The following FBN1 variants were observed in gnomAD, a reference collection of about 807,000 sequenced individuals.
FBN1 encodes the protein fibrillin-1.
Under a neutral mutation model 365.1 loss-of-function variants are expected in FBN1, and 29 were observed. The ratio of observed to expected loss-of-function variants is 0.08; its 90% confidence interval spans 0.06 to 0.11. The LOEUF (loss-of-function observed/expected upper bound fraction) is 0.11. FBN1 is among the 10% of genes least tolerant of loss of function. The probability of loss-of-function intolerance (pLI) is 1.00; values close to 1 mark genes in which losing one functional copy is unlikely to be tolerated. For missense variants in FBN1, 2,476 were observed against 3,703.2 expected, an observed-to-expected ratio of 0.67 and a Z score of 8.60; for synonymous variants, 1,210 against 1,270.5, an observed-to-expected ratio of 0.95 and a Z score of 1.01.
In FBN1 at chr15:48,421,821, T is replaced by C. The variant is rs2042944755; in HGVS notation, c.7570+131A>G. ...AACGCTTCACATACATGTACAGGTGTGCTCACACATACATGCACTCATATA... is the reference window on the plus strand; with the variant it reads ...AACGCTTCACATACATGTACAGGTGCGCTCACACATACATGCACTCATATA... On this transcript the variant is annotated intron_variant, in intron 61 of 65. Transcript: ENST00000316623. The C allele has an allele frequency of 2.6e-6, 3 of 1,166,240 alleles. No homozygotes were observed. The Admixed American group carries it at 5.6e-5, about 22-fold the overall frequency. The allele number at this position is 1,166,240 out of a possible 1,614,324, so 72.2% of individuals were successfully genotyped here. A position where few individuals can be genotyped will look rare whatever the true frequency, so the allele number is the denominator to read the frequency against.
At chr15:48,470,970 C>G (rs1045704000) in intron 35 of FBN1, among the ~76,000 whole-genome samples, 2 of 152,066 alleles carry the variant, frequency 1.3e-5, no homozygotes, top group Non-Finnish European at 2.9e-5. Context: ...TATTACATGC[C>G]AAGCAGCGGG....
chr15:48,487,670 C>T (rs1291324963), intron 27 of FBN1, among the ~76,000 whole-genome samples: 1 of 152,210 alleles, frequency 6.6e-6, no homozygotes, highest in African/African-American at 2.4e-5. Flanking sequence ...CTCCTTACTT[C>T]CTGACAAGTA....
chr15:48,426,106 A>T (rs576253676), intron 58 of FBN1, among the ~76,000 whole-genome samples: 62 of 152,338 alleles, frequency 4.1e-4, no homozygotes, highest in Middle Eastern at 3.4e-3. Context: ...CTTTAAAAAC[A>T]ACTGGTCTTC....
At chr15:48,519,074 C>T (rs1256663753) in intron 10 of FBN1, among the ~76,000 whole-genome samples, 3 of 152,256 alleles carry the variant, frequency 2.0e-5, no homozygotes, top group Non-Finnish European at 4.4e-5. Flanking sequence ...AAGGAATCCA[C>T]ATCAAAGCTG....
At chr15:48,574,654 T>A (rs970020026) in intron 6 of FBN1, among the ~76,000 whole-genome samples, 1 of 151,790 alleles carries the variant, frequency 6.6e-6, no homozygotes, top group Non-Finnish European at 1.5e-5. Flanking sequence ...AATCTTCTTA[T>A]CACTATAAAA....
intron 17 of FBN1, among the ~76,000 whole-genome samples, chr15:48,500,866 C>A (rs896324852): frequency 6.6e-6 from 1 of 152,182 alleles, no homozygotes; most frequent in Admixed American, 6.5e-5. Flanking sequence ...GACTTGCAGA[C>A]CACAAAGATG....
intron 6 of FBN1, among the ~76,000 whole-genome samples, chr15:48,584,592 T>G (rs1438943397): frequency 6.6e-6 from 1 of 152,232 alleles, no homozygotes; most frequent in African/African-American, 2.4e-5. Context: ...CGTCAAGGGA[T>G]GGGATGCCTT....
At chr15:48,447,145 T>C (rs147019176) in intron 46 of FBN1, among the ~76,000 whole-genome samples, 214 of 152,300 alleles carry the variant, frequency 1.4e-3, no homozygotes, top group African/African-American at 4.7e-3. Context: ...TATTTTCACT[T>C]GAAAATGGAA....
At chr15:48,551,507 CT>C (rs773123577) in intron 6 of FBN1, among the ~76,000 whole-genome samples, 1,024 of 138,548 alleles carry the variant, frequency 7.4e-3, no homozygotes, top group Admixed American at 8.6e-3. Flanking sequence ...AGACCTTGTT[CT>C]TTTTTTTTTT....
intron 29 of FBN1, 50 bp from the exon 30 acceptor site, chr15:48,485,546 TC>T (rs749393801): frequency 4.4e-5 from 70 of 1,600,436 alleles, no homozygotes; most frequent in Non-Finnish European, 5.8e-5. Context: ...TGGATGTCTG[TC>T]CCCTCCAATA....
At chr15:48,458,023 C>CA (rs746701606) in intron 43 of FBN1, among the ~76,000 whole-genome samples, 6 of 152,170 alleles carry the variant, frequency 3.9e-5, no homozygotes, top group Admixed American at 1.3e-4. Flanking sequence ...TCCTGGAGGG[C>CA]CCTTCCATCA....
At chr15:48,582,643 C>T (rs1229654375) in intron 6 of FBN1, among the ~76,000 whole-genome samples, 1 of 152,170 alleles carries the variant, frequency 6.6e-6, no homozygotes, top group African/African-American at 2.4e-5. Flanking sequence ...CATCCAAAGG[C>T]GTTCCCCAGG....
At chr15:48,566,263 C>T (rs894107541) in intron 6 of FBN1, among the ~76,000 whole-genome samples, 5 of 152,158 alleles carry the variant, frequency 3.3e-5, no homozygotes, top group Non-Finnish European at 7.4e-5. Flanking sequence ...GAAAAAGTTT[C>T]AAGTATCTCA....
At chr15:48,511,876 C>G (rs967582875) in intron 13 of FBN1, among the ~76,000 whole-genome samples, 2 of 152,160 alleles carry the variant, frequency 1.3e-5, no homozygotes, top group Non-Finnish European at 2.9e-5. Flanking sequence ...TCAATAACCA[C>G]CTCTCTTTGC....
At chr15:48,508,735 A>G (rs781682581) in intron 14 of FBN1, 31 bp from the exon 15 acceptor site, 4 of 1,612,284 alleles carry the variant, frequency 2.5e-6, no homozygotes, top group Non-Finnish European at 3.4e-6. Context: ...TTTTCTTATG[A>G]CCAGAAGAGT....
rs2043795123 is a variant in FBN1, at chr15:48,515,670, C to T, written c.1328-143G>A. 2.8e-6 allele frequency: 3 copies of T among 1,066,014 alleles called. No individual in the cohort carries two copies. In the Admixed American group the frequency reaches 5.5e-5, roughly 20 times the overall value. The allele number at this position is 1,066,014 out of a possible 1,614,324, so 66.0% of individuals were successfully genotyped here. A position where few individuals can be genotyped will look rare whatever the true frequency, so the allele number is the denominator to read the frequency against. ...CAAAGGTCGTCTGGTGACAACAGAG[C>T]ATATTTCCACCCTGCCAACAGAGAT... On this transcript the variant is annotated intron_variant, in intron 11 of 65. Coordinates refer to ENST00000316623, the MANE Select transcript of FBN1 (RefSeq NM_000138.5).
chr15:48,506,452 C>T (rs1464252716), intron 15 of FBN1, among the ~76,000 whole-genome samples: 1 of 152,202 alleles, frequency 6.6e-6, no homozygotes, highest in African/African-American at 2.4e-5. Flanking sequence ...TATTTAAATA[C>T]AGGAACTCAA....
At chr15:48,485,339 C>A in intron 30 of FBN1, 35 bp downstream of exon 30, 1 of 1,614,090 alleles carries the variant, frequency 6.2e-7, no homozygotes, top group Non-Finnish European at 8.5e-7. Context: ...TAGGAACCTA[C>A]TGAGAGATTC....
At chr15:48,602,949 A>T (rs1266734827) in intron 4 of FBN1, among the ~76,000 whole-genome samples, 2 of 152,210 alleles carry the variant, frequency 1.3e-5, no homozygotes, top group African/African-American at 2.4e-5. Context: ...TCAGCCTTCA[A>T]ACTGATTTCA....
Sources: allele counts gnomAD v4.1 joint callset (sites outside exome capture counted in the v4.1 genomes callset), GRCh38; gene constraint gnomAD v4.1.1; transcripts MANE v1.5; gene names NCBI Gene and HGNC (gene_info 2026-07-23, HGNC 2026-07-21).